SCUBE1: variants seen among roughly 807,000 people sequenced by gnomAD.
The protein encoded by SCUBE1 is signal peptide, CUB domain and EGF like domain containing 1.
In SCUBE1, 59 loss-of-function variants were observed where a neutral mutation model predicts 124.4. The observed-to-expected ratio is 0.47, with a 90% confidence interval of 0.38 to 0.59. The LOEUF (loss-of-function observed/expected upper bound fraction) is 0.59, where lower values mean the gene tolerates loss of function less well. Ranked by LOEUF, SCUBE1 falls within the 20% of genes least tolerant of loss-of-function variation. The pLI, the probability that SCUBE1 is intolerant of heterozygous loss-of-function variation, is 0.00. For missense variants in SCUBE1, 1,150 were observed against 1,371.2 expected, an observed-to-expected ratio of 0.84 and a Z score of 2.55; for synonymous variants, 545 against 550.9, an observed-to-expected ratio of 0.99 and a Z score of 0.15.
intron 10 of SCUBE1, among the ~76,000 whole-genome samples, chr22:43,225,658 T>C (rs1275012180): frequency 6.6e-6 from 1 of 151,460 alleles, no homozygotes; most frequent in Non-Finnish European, 1.5e-5. Context: ...CACCTCAGCC[T>C]CTCAAAGTGC....
chr22:43,316,646 G>T (rs1312060166), intron 3 of SCUBE1, among the ~76,000 whole-genome samples: 1 of 152,126 alleles, frequency 6.6e-6, no homozygotes, highest in Non-Finnish European at 1.5e-5. Flanking sequence ...GGGGCTGCCT[G>T]CAGGTCTATG....
At chr22:43,278,768 G>A (rs1185216701) in intron 4 of SCUBE1, among the ~76,000 whole-genome samples, 1 of 152,212 alleles carries the variant, frequency 6.6e-6, no homozygotes, top group Non-Finnish European at 1.5e-5. Context: ...GGGAAGCTCA[G>A]TTTTCCCTCC....
At chr22:43,260,036 G>A (rs946451008) in intron 5 of SCUBE1, among the ~76,000 whole-genome samples, 4 of 152,178 alleles carry the variant, frequency 2.6e-5, no homozygotes, top group African/African-American at 4.8e-5. Flanking sequence ...GATCTCAGGC[G>A]ATGGGGAGAG....
chr22:43,207,479 C>T (rs1921337463), intron 21 of SCUBE1, 55 bp downstream of exon 21: 1 of 1,396,136 alleles, frequency 7.2e-7, no homozygotes, highest in East Asian at 2.3e-5. Context: ...GGTCCTGGCT[C>T]ATCACAGGCC....
intron 6 of SCUBE1, among the ~76,000 whole-genome samples, chr22:43,240,421 G>A (rs1436616414): frequency 2.0e-5 from 3 of 152,174 alleles, no homozygotes; most frequent in Non-Finnish European, 4.4e-5. Flanking sequence ...GCCCACCTCC[G>A]CAAGGAGCCT....
At chr22:43,337,518 C>T (rs191084920) in intron 2 of SCUBE1, among the ~76,000 whole-genome samples, 13 of 152,356 alleles carry the variant, frequency 8.5e-5, no homozygotes, top group Admixed American at 2.0e-4. Context: ...TGCCAGCAGC[C>T]GGGCCAGCCG....
intron 3 of SCUBE1, among the ~76,000 whole-genome samples, chr22:43,314,270 T>C (rs1233064062): frequency 2.0e-5 from 3 of 152,116 alleles, no homozygotes; most frequent in South Asian, 4.2e-4. Flanking sequence ...TTCAAGCAGG[T>C]AGTTAAATGG....
At chr22:43,336,907 A>C (rs982313497) in intron 2 of SCUBE1, among the ~76,000 whole-genome samples, 2 of 152,118 alleles carry the variant, frequency 1.3e-5, no homozygotes, top group African/African-American at 4.8e-5. Flanking sequence ...GGGGCTCACA[A>C]ACATAGAGCA....
At chr22:43,220,853 C>T (rs963584710) in intron 13 of SCUBE1, among the ~76,000 whole-genome samples, 6 of 152,264 alleles carry the variant, frequency 3.9e-5, no homozygotes, top group Non-Finnish European at 7.4e-5. Context: ...CAGCTCTGGG[C>T]CTGCTGAGGG....
chr22:43,221,352 A>G, intron 12 of SCUBE1, 63 bp from the exon 13 acceptor site: 2 of 820,036 alleles, frequency 2.4e-6, no homozygotes, highest in Non-Finnish European at 2.0e-6. Context: ...GTGGTGGGGG[A>G]CGGGGGCTGC....
At chr22:43,227,222 T>C (rs1414465045) in intron 10 of SCUBE1, 152 bp downstream of exon 10, 1 of 921,996 alleles carries the variant, frequency 1.1e-6, no homozygotes, top group African/African-American at 1.7e-5. Context: ...CCATCAGCCA[T>C]ACCCCAACAG....
chr22:43,296,475 C>T (rs995907600), intron 3 of SCUBE1, among the ~76,000 whole-genome samples: 1 of 152,222 alleles, frequency 6.6e-6, no homozygotes, highest in African/African-American at 2.4e-5. Flanking sequence ...CCAGAAGGCA[C>T]GGAGCTCCTC....
chr22:43,235,759 G>C (rs1331311734), intron 7 of SCUBE1, among the ~76,000 whole-genome samples: 1 of 152,132 alleles, frequency 6.6e-6, no homozygotes, highest in Non-Finnish European at 1.5e-5. Context: ...CTCCTCACTT[G>C]CCAACGGCAA....
At chr22:43,248,325 C>T (rs1328626863) in intron 6 of SCUBE1, among the ~76,000 whole-genome samples, 1 of 152,198 alleles carries the variant, frequency 6.6e-6, no homozygotes, top group Non-Finnish European at 1.5e-5. Context: ...GGGTGGGCCA[C>T]AGCCCCTCTA....
intron 3 of SCUBE1, among the ~76,000 whole-genome samples, chr22:43,310,279 C>T (rs542531902): frequency 1.3e-3 from 199 of 152,192 alleles, no homozygotes; most frequent in Non-Finnish European, 1.6e-3. Flanking sequence ...TACTTCCTCC[C>T]TCTCACTGGG....
chr22:43,342,730 G>A (rs549524169), intron 1 of SCUBE1, among the ~76,000 whole-genome samples: 211 of 151,086 alleles, frequency 1.4e-3, no homozygotes, highest in African/African-American at 5.0e-3. Context: ...CGTCTGTCCC[G>A]CACCTCCCGC....
At position 43,319,816 on chromosome 22, in the gene SCUBE1, T is replaced by C. The variant is rs1008028736; in HGVS notation, c.349+121A>G. The C allele has an allele frequency of 1.7e-5, 21 of 1,261,070 alleles. 1 individual carries two copies. The highest frequency in any genetic ancestry group is 2.4e-5 in the East Asian group (1 of 40,934). 78.1% of individuals were successfully genotyped at this position (1,261,070 alleles called of 1,614,324 possible). A position where few individuals can be genotyped will look rare whatever the true frequency, so the allele number is the denominator to read the frequency against. On this transcript the variant is annotated intron_variant, in intron 3 of 21. Transcript: ENST00000360835. ...CTGTGGTATTTTGTTATGACAACCC[T>C]GGCAAACTAATACAGGAAGCCAAAG... is the stretch of plus-strand genomic sequence containing the variant.
intron 4 of SCUBE1, among the ~76,000 whole-genome samples, chr22:43,286,273 G>A (rs1001938147): frequency 5.9e-5 from 9 of 152,348 alleles, no homozygotes; most frequent in African/African-American, 2.2e-4. Context: ...TCAAGGTCAC[G>A]AGATGGTCCA....
chr22:43,251,524 A>C (rs2146699436), intron 6 of SCUBE1, among the ~76,000 whole-genome samples: 1 of 152,282 alleles, frequency 6.6e-6, no homozygotes, highest in Non-Finnish European at 1.5e-5. Context: ...GGGGTCCTTG[A>C]GAGTAACCGA....
Sources: gnomAD v4.1 joint callset for allele counts (sites outside exome capture counted in the v4.1 genomes callset) on GRCh38, gnomAD v4.1.1 for gene constraint, MANE v1.5 for transcripts, NCBI Gene and HGNC (gene_info 2026-07-23, HGNC 2026-07-21) for gene names.